The following MMP24 variants were observed in gnomAD, a reference collection of about 807,000 sequenced individuals.
MMP24 encodes matrix metalloproteinase-24.
MMP24 carries 25 observed loss-of-function variants against 62.8 expected under a neutral mutation model. The ratio of observed to expected loss-of-function variants is 0.40; its 90% CI spans 0.29 to 0.56. MMP24 has a LOEUF of 0.56. Among genes scored for constraint, MMP24 ranks in the 20% least tolerant of loss-of-function variants. The pLI, the probability that MMP24 is intolerant of heterozygous loss-of-function variation, is 0.50. For missense variants in MMP24, 634 were observed against 853.6 expected (o/e 0.74, Z 3.21); for synonymous variants, 319 against 350.5 (o/e 0.91, Z 1.00).
chr20:35,274,271 G>T lies in MMP24; in HGVS notation c.1601-1G>T. The T allele has an allele frequency of 6.2e-7, 1 of 1,605,010 alleles. No individual in the cohort carries two copies. The highest frequency in any genetic ancestry group is 8.5e-7 in the Non-Finnish European group (1 of 1,177,108). On this transcript the variant is annotated splice_acceptor_variant, in intron 8 of 8. Coordinates refer to ENST00000246186, the MANE Select transcript of MMP24 (RefSeq NM_006690.4). LOFTEE classifies it high-confidence loss of function. The surrounding 1 kb of genome is among the most constrained non-coding windows in gnomAD (Gnocchi z 5.1). ...GGTGATGCTGGGCTGTATTTCTGCA[G>T]ATTACACCTATTTCTACAAGGGCCG...
At chr20:35,249,366 A>G (rs2060532874) in intron 2 of MMP24, among the ~76,000 whole-genome samples, 1 of 152,230 alleles carries the variant, frequency 6.6e-6, no homozygotes, top group Non-Finnish European at 1.5e-5. Flanking sequence ...ACATTTATTC[A>G]TTCACTCATT....
chr20:35,226,772 GGGCCGCCGCC>G lies in MMP24; in HGVS notation c.36_45del (p.Pro13ArgfsTer70). The G allele has an allele frequency of 1.1e-6, 1 of 886,218 alleles. No individual in the cohort carries two copies. The highest frequency in any genetic ancestry group is 1.3e-6 in the Non-Finnish European group (1 of 754,068). 54.9% of individuals were successfully genotyped at this position (886,218 alleles called of 1,614,324 possible). ...GAGCCGGGGCGGCCGCGCCGCGCCG[GGGCCGCCGCC>G]GCCGCCGCCGCCGCCGGGCCAGGCC... is the stretch of plus-strand genomic sequence containing the variant. On this transcript the variant is annotated frameshift_variant, in exon 1 of 9. Coordinates refer to ENST00000246186, the MANE Select transcript of MMP24 (RefSeq NM_006690.4). LOFTEE classifies it high-confidence loss of function.
chr20:35,250,562 CAA>C (rs78628104), intron 2 of MMP24, among the ~76,000 whole-genome samples: 8 of 118,656 alleles, frequency 6.7e-5, no homozygotes, highest in Admixed American at 9.0e-5. Context: ...GACTCTGTCT[CAA>C]AAAAAAAAAA....
At chr20:35,237,458 C>T (rs905939427) in intron 1 of MMP24, among the ~76,000 whole-genome samples, 3 of 152,240 alleles carry the variant, frequency 2.0e-5, no homozygotes, top group Non-Finnish European at 1.5e-5. Flanking sequence ...TCATTAGACC[C>T]ACCTGGATAA....
At chr20:35,228,373 G>A (rs1325407341) in intron 1 of MMP24, among the ~76,000 whole-genome samples, 1 of 152,128 alleles carries the variant, frequency 6.6e-6, no homozygotes, top group Non-Finnish European at 1.5e-5. Context: ...GACTTGTTGT[G>A]GAAACTTTGC....
chr20:35,265,040 G>T (rs1292149190), intron 5 of MMP24, among the ~76,000 whole-genome samples: 1 of 152,188 alleles, frequency 6.6e-6, no homozygotes, highest in African/African-American at 2.4e-5. Flanking sequence ...TGGGGGCTGT[G>T]GGTCCCAGAA....
At chr20:35,258,406 C>CCA (rs992757194) in intron 4 of MMP24, among the ~76,000 whole-genome samples, 1 of 152,122 alleles carries the variant, frequency 6.6e-6, no homozygotes, top group African/African-American at 2.4e-5. Context: ...CAAACAAGAT[C>CCA]CACACACACA....
intron 1 of MMP24, among the ~76,000 whole-genome samples, chr20:35,239,800 C>CA (rs964547745): frequency 6.7e-5 from 10 of 150,194 alleles, no homozygotes; most frequent in South Asian, 6.3e-4. Flanking sequence ...GACCCTGTCT[C>CA]AAAAAAAAAC....
intron 5 of MMP24, 91 bp downstream of exon 5, chr20:35,264,043 C>A: frequency 7.4e-7 from 1 of 1,357,192 alleles, no homozygotes; most frequent in Non-Finnish European, 9.9e-7. Context: ...GGGAGGGGGA[C>A]GTTGCTATCA....
chr20:35,262,715 C>T (rs1244676452), intron 4 of MMP24: 1 of 145,302 alleles, frequency 6.9e-6, no homozygotes, highest in Non-Finnish European at 1.5e-5. Context: ...TCCCTTCCCA[C>T]GAGGCCATAT....
intron 1 of MMP24, among the ~76,000 whole-genome samples, chr20:35,227,797 A>C (rs185651000): frequency 6.6e-6 from 1 of 152,208 alleles, no homozygotes; most frequent in Non-Finnish European, 1.5e-5. Context: ...AATAGCTGCA[A>C]TTATTATCCC....
chr20:35,241,507 AC>A (rs1339842948), intron 1 of MMP24, among the ~76,000 whole-genome samples: 2 of 151,824 alleles, frequency 1.3e-5, no homozygotes, highest in Non-Finnish European at 2.9e-5. Context: ...ATACTGGCCC[AC>A]CCCCACCATG....
At chr20:35,266,351 C>CAAAAAAAA (rs3055615) in intron 5 of MMP24, among the ~76,000 whole-genome samples, 1 of 56,618 alleles carries the variant, frequency 1.8e-5, no homozygotes, top group Non-Finnish European at 3.5e-5. Flanking sequence ...GACTCCTTCT[C>CAAAAAAAA]AAAAAAAAAA....
chr20:35,271,926 T>TGAGGA lies in MMP24; in HGVS notation c.1600+91_1600+92insGAGGA. 2 of 1,405,532 alleles carry TGAGGA rather than the reference T, an allele frequency of 1.4e-6. No homozygotes were observed. Among genetic ancestry groups the TGAGGA allele is most frequent in the Non-Finnish European group, 1.9e-6 (2 of 1,064,194 alleles). The allele number at this position is 1,405,532 out of a possible 1,614,324, so 87.1% of individuals were successfully genotyped here. A position where few individuals can be genotyped will look rare whatever the true frequency, so the allele number is the denominator to read the frequency against. ...CGGGCATACTCAGTGCCCATGGGCG[T>TGAGGA]CCAGGTTTGAAAAAACACCTGGTGG... is the stretch of plus-strand genomic sequence containing the variant. On this transcript the variant is annotated intron_variant, in intron 8 of 8. Transcript: ENST00000246186. This position sits in a 1 kb window ranked among gnomAD's most constrained non-coding sequence, Gnocchi z 4.0.
Position 35,271,848 on chromosome 20 carries a change from C to T in MMP24, c.1600+13C>T, listed in dbSNP as rs1187745149. On this transcript the variant is annotated intron_variant, in intron 8 of 8. Transcript: ENST00000246186. The surrounding 1 kb of genome is among the most constrained non-coding windows in gnomAD (Gnocchi z 4.0). ...AGCAAGGAAGGATGTACGTAAGGGCCGGGCCAGGGTGGGCATGGGGAGCCG... is the reference window on the plus strand; with the variant it reads ...AGCAAGGAAGGATGTACGTAAGGGCTGGGCCAGGGTGGGCATGGGGAGCCG... 6.9e-6 allele frequency: 11 copies of T among 1,602,092 alleles called. No homozygotes were observed. The highest frequency in any genetic ancestry group is 8.5e-6 in the Non-Finnish European group (10 of 1,174,938).
chr20:35,252,444 AC>A (rs2060552440), intron 3 of MMP24, among the ~76,000 whole-genome samples: 1 of 152,102 alleles, frequency 6.6e-6, no homozygotes, highest in African/African-American at 2.4e-5. Context: ...TGAAACAAAA[AC>A]CACAAAACAA....
intron 1 of MMP24, among the ~76,000 whole-genome samples, chr20:35,229,958 T>C (rs1158306648): frequency 6.6e-6 from 1 of 152,118 alleles, no homozygotes; most frequent in Non-Finnish European, 1.5e-5. Flanking sequence ...CCCAGCCAGT[T>C]TGTCATTTAT....
intron 1 of MMP24, among the ~76,000 whole-genome samples, chr20:35,243,384 T>C (rs2425022): frequency 0.3 from 45,361 of 152,066 alleles, 11,016 homozygotes; most frequent in African/African-American, 0.68. Flanking sequence ...CTATGCACAC[T>C]TGCTTTTTAG....
At chr20:35,232,546 G>A (rs1044880634) in intron 1 of MMP24, among the ~76,000 whole-genome samples, 2 of 152,274 alleles carry the variant, frequency 1.3e-5, no homozygotes, top group Non-Finnish European at 1.5e-5. Context: ...GTTGAGGTTC[G>A]GGAAGCCAGA....
Sources: gnomAD v4.1 joint callset for allele counts (sites outside exome capture counted in the v4.1 genomes callset) on GRCh38, gnomAD v4.1.1 for gene constraint, Gnocchi (gnomAD v3.1) non-coding constraint, MANE v1.5 for transcripts, NCBI Gene and HGNC (gene_info 2026-07-23, HGNC 2026-07-21) for gene names.